Variants in DCLRE1B observed in about 807,000 individuals in gnomAD.
The protein encoded by DCLRE1B is 5' exonuclease Apollo.
A neutral mutation model predicts 19.8 loss-of-function variants in DCLRE1B; 6 were observed. That is an observed-to-expected ratio of 0.30 (90% CI 0.17 to 0.60). The LOEUF (loss-of-function observed/expected upper bound fraction) is 0.60, where lower values mean the gene tolerates loss of function less well. DCLRE1B is among the 20% of genes least tolerant of loss of function. The pLI, the probability that DCLRE1B is intolerant of heterozygous loss-of-function variation, is 0.87. For synonymous variants in DCLRE1B, 258 were observed against 255.7 expected (o/e 1.01, Z -0.09); for missense variants, 622 against 654.2 (o/e 0.95, Z 0.54).
Position 113,912,049 on chromosome 1 carries a change from G to A in DCLRE1B, c.1457G>A (p.Ser486Asn). 1.2e-6 allele frequency: 2 copies of A among 1,614,230 alleles called. No individual in the cohort carries two copies. Among genetic ancestry groups the A allele is most frequent in the East Asian group, 2.2e-5 (1 of 44,884 alleles). ...GGCCATGGTTCTCCCCTGTCCCACA[G>A]CAGCAAGGGCACCCCTCTTCTAGCT... ...WMGHGSPLSH[S>N]SKGTPLLATE... The change falls in exon 4 of 4, where the codon AGC becomes AAC. Residue 486 changes from serine to asparagine, a missense_variant. Physicochemically the swap from Ser to Asn is conservative, Grantham distance 46. This residue lies in a region of DCLRE1B where 382 missense variants were observed against 412.5 expected (regional missense o/e 0.93). Coordinates refer to ENST00000650450, the MANE Select transcript of DCLRE1B (RefSeq NM_022836.4).
At chr1:113,904,792 G>C (rs945036729), upstream of DCLRE1B, 1 of 1,261,108 alleles carries the variant, frequency 7.9e-7, no homozygotes, top group African/African-American at 1.5e-5. Context: ...TGATGTGGGA[G>C]CCTGAGTAAA....
chr1:113,905,921 A>G (rs1668912685), intron 1 of DCLRE1B, 146 bp downstream of exon 1: 2 of 923,300 alleles, frequency 2.2e-6, no homozygotes, highest in Non-Finnish European at 3.1e-6. Flanking sequence ...AACCCAGAAT[A>G]GGAACGTGTT....
In DCLRE1B at chr1:113,907,050, C is replaced by T. The variant is rs1311165585; in HGVS notation, c.244C>T (p.Leu82=). ...GGTTGGTGAGAGCCATGTATTACCC[C>T]TAGATGAAATTGGACAAGAGACCAT... The part of the protein sequence containing the change: ...LEVGESHVLP[L]DEIGQETMTV... The change falls in exon 2 of 4, where the codon CTA becomes TTA. Residue 82 remains leucine, a synonymous_variant. Transcript: ENST00000650450. The T allele has an allele frequency of 1.2e-6, 2 of 1,613,936 alleles. No individual in the cohort carries two copies. The highest frequency in any genetic ancestry group is 1.7e-6 in the Non-Finnish European group (2 of 1,179,994).
At chr1:113,907,220 T>C in intron 2 of DCLRE1B, 59 bp downstream of exon 2, 1 of 1,304,854 alleles carries the variant, frequency 7.7e-7, no homozygotes, top group Admixed American at 2.6e-5. Flanking sequence ...TTTTTTTTTT[T>C]TTTTTTTTTT....
chr1:113,907,426 T>C (rs1349778286), intron 2 of DCLRE1B, among the ~76,000 whole-genome samples: 1 of 151,820 alleles, frequency 6.6e-6, no homozygotes, highest in East Asian at 1.9e-4. Flanking sequence ...CTTCATCACA[T>C]ATGAGCATAG....
rs759079691 is a variant in DCLRE1B, at chr1:113,905,762, A to C, written c.176A>C (p.His59Pro). The part of the protein sequence containing the change: ...YCSPITAHLL[H>P]RHLQVSKQWI... ...TCCCCAATTACAGCCCACCTCTTGCATCGTCACCTACAGGTATGGGGCTGG... is the reference window on the plus strand; with the variant it reads ...TCCCCAATTACAGCCCACCTCTTGCCTCGTCACCTACAGGTATGGGGCTGG... Residue 59 changes from histidine (H) to proline (P), a missense_variant, in exon 1 of 4, where the codon CAT becomes CCT. His to Pro is a moderately conservative substitution (Grantham distance 77). This residue lies in a region of DCLRE1B where 237 missense variants were observed against 223.8 expected (regional missense o/e 1.06). Transcript: ENST00000650450. 18 of 1,613,316 alleles carry C rather than the reference A, an allele frequency of 1.1e-5. No homozygotes were observed. In the East Asian group the frequency reaches 3.3e-4, roughly 30 times the overall value.
Position 113,905,381 on chromosome 1 carries a change from C to G in DCLRE1B, c.-206C>G. 1 of 597,474 alleles carries G rather than the reference C, an allele frequency of 1.7e-6. No individual in the cohort carries two copies. The highest frequency in any genetic ancestry group is 3.3e-5 in the Admixed American group (1 of 29,968). 37.0% of individuals were successfully genotyped at this position (597,474 alleles called of 1,614,324 possible). ...CGCGCGGTTGGGAGTGTCCAGCGCCCTCCGCGATTTGGGCTCCAGCGGGCA... is the reference window on the plus strand; with the variant it reads ...CGCGCGGTTGGGAGTGTCCAGCGCCGTCCGCGATTTGGGCTCCAGCGGGCA... On this transcript the variant is annotated 5_prime_UTR_variant, in exon 1 of 4. Coordinates refer to ENST00000650450, the MANE Select transcript of DCLRE1B (RefSeq NM_022836.4).
Position 113,912,536 on chromosome 1 carries a change from T to C in DCLRE1B, c.*345T>C, listed in dbSNP as rs28381082. On this transcript the variant is annotated 3_prime_UTR_variant, in exon 4 of 4. Transcript: ENST00000650450. ...CTTTTGTGAACATGCAATCATCTTA[T>C]GTGGGTACAGAAAGAGGTAAAGAGT... The C allele has an allele frequency of 3.7e-5, 7 of 187,720 alleles. No individual in the cohort carries two copies. In the East Asian group the frequency reaches 6.9e-4, roughly 19 times the overall value. 11.6% of individuals were successfully genotyped at this position (187,720 alleles called of 1,614,324 possible). A position where few individuals can be genotyped will look rare whatever the true frequency, so the allele number is the denominator to read the frequency against.
Position 113,910,261 on chromosome 1 carries a change from T to C in DCLRE1B, c.539-870T>C, listed in dbSNP as rs895222759. Among the ~76,000 whole-genome samples, 4 of 152,342 alleles carry C rather than the reference T, an allele frequency of 2.6e-5. No homozygotes were observed. In the East Asian group the frequency reaches 7.7e-4, roughly 29 times the overall value. ...CAGTGGCTCCCCTTCACTTACACAA[T>C]GAAGTCCAAGCTTCTTAGCGGTACA... On this transcript the variant is annotated intron_variant, in intron 3 of 3. Coordinates refer to ENST00000650450, the MANE Select transcript of DCLRE1B (RefSeq NM_022836.4).
intron 3 of DCLRE1B, among the ~76,000 whole-genome samples, chr1:113,908,553 G>T (rs1669129959): frequency 6.6e-6 from 1 of 152,208 alleles, no homozygotes; most frequent in African/African-American, 2.4e-5. Flanking sequence ...CAAGGTTGCA[G>T]TGAGCCATGT....
intron 3 of DCLRE1B, 120 bp from the exon 4 acceptor site, chr1:113,911,011 C>A: frequency 1.1e-6 from 1 of 948,414 alleles, no homozygotes; most frequent in Non-Finnish European, 1.6e-6. Flanking sequence ...GATATTCTCC[C>A]TGGATTTCTC....
Position 113,905,404 on chromosome 1 carries a change from G to T in DCLRE1B, c.-183G>T. On this transcript the variant is annotated 5_prime_UTR_variant, in exon 1 of 4. Coordinates refer to ENST00000650450, the MANE Select transcript of DCLRE1B (RefSeq NM_022836.4). The stretch of plus-strand genomic sequence containing the variant: ...CCCTCCGCGATTTGGGCTCCAGCGG[G>T]CAGGGTGACTTCCTTTTTCTGCCCA... 1.6e-6 allele frequency: 1 copy of T among 638,808 alleles called. No individual in the cohort carries two copies. Among genetic ancestry groups the T allele is most frequent in the Non-Finnish European group, 2.6e-6 (1 of 383,328 alleles). The allele number at this position is 638,808 out of a possible 1,614,324, so 39.6% of individuals were successfully genotyped here.
chr1:113,904,950 G>T, upstream of DCLRE1B: 1 of 506,320 alleles, frequency 2.0e-6, no homozygotes, highest in Non-Finnish European at 3.6e-6. Flanking sequence ...ACCGTCGGCC[G>T]GCAGGCCGTT....
chr1:113,912,032 T>G lies in DCLRE1B; in HGVS notation c.1440T>G (p.Gly480=). ...TGNQSAWMGH[G]SPLSHSSKGT... ...ATCAGAGTGCCTGGATGGGCCATGG[T>G]TCTCCCCTGTCCCACAGCAGCAAGG... is the stretch of plus-strand genomic sequence containing the variant. The change falls in exon 4 of 4, where the codon GGT becomes GGG. Residue 480 remains glycine, a synonymous_variant. Coordinates refer to ENST00000650450, the MANE Select transcript of DCLRE1B (RefSeq NM_022836.4). The G allele has an allele frequency of 6.2e-7, 1 of 1,614,218 alleles. No individual in the cohort carries two copies. The highest frequency in any genetic ancestry group is 1.1e-5 in the South Asian group (1 of 91,084).
chr1:113,908,714 T>A (rs1311395034), intron 3 of DCLRE1B, among the ~76,000 whole-genome samples: 2 of 152,242 alleles, frequency 1.3e-5, no homozygotes, highest in African/African-American at 4.8e-5. Context: ...CATTTTTTTA[T>A]AGCACTCATA....
At position 113,905,539 on chromosome 1, in the gene DCLRE1B, C is replaced by G; in HGVS notation, c.-48C>G. ...CCGTTGTGGAAGCCTCACGCAGGAG[C>G]CCTGCCCCCGTGGAGAAGATCCCAC... is the stretch of plus-strand genomic sequence containing the variant. On this transcript the variant is annotated 5_prime_UTR_variant, in exon 1 of 4. Coordinates refer to ENST00000650450, the MANE Select transcript of DCLRE1B (RefSeq NM_022836.4). The G allele has an allele frequency of 6.3e-7, 1 of 1,591,330 alleles. No individual in the cohort carries two copies. The highest frequency in any genetic ancestry group is 8.6e-7 in the Non-Finnish European group (1 of 1,164,918).
In DCLRE1B at chr1:113,912,490, T is replaced by G. The variant is rs1669302058; in HGVS notation, c.*299T>G. 1 of 246,624 alleles carries G rather than the reference T, an allele frequency of 4.1e-6. No individual in the cohort carries two copies. The highest frequency in any genetic ancestry group is 7.7e-6 in the Non-Finnish European group (1 of 129,204). 15.3% of individuals were successfully genotyped at this position (246,624 alleles called of 1,614,324 possible). A position where few individuals can be genotyped will look rare whatever the true frequency, so the allele number is the denominator to read the frequency against. ...CAGTAACTTAATCTGTTTAACCTTG[T>G]TTAACCCAGTATTTCTCAAACTTTT... On this transcript the variant is annotated 3_prime_UTR_variant, in exon 4 of 4. Coordinates refer to ENST00000650450, the MANE Select transcript of DCLRE1B (RefSeq NM_022836.4).
upstream of DCLRE1B, chr1:113,904,750 T>C: frequency 1.3e-6 from 2 of 1,583,260 alleles, no homozygotes; most frequent in African/African-American, 2.7e-5. Context: ...CTCCCACAGC[T>C]CCCACGGTAA....
Position 113,908,180 on chromosome 1 carries a change from A to C in DCLRE1B, c.527A>C (p.Asn176Thr), listed in dbSNP as rs773254167. 1 of 1,613,332 alleles carries C rather than the reference A, an allele frequency of 6.2e-7. No homozygotes were observed. The highest frequency in any genetic ancestry group is 8.5e-7 in the Non-Finnish European group (1 of 1,179,686). Residue 176 changes from asparagine to threonine, a missense_variant, in exon 3 of 4, where the codon AAC becomes ACC. Asn to Thr is a moderately conservative substitution (Grantham distance 65). Around this residue, in one of 3 missense-constraint regions of DCLRE1B, gnomAD observed 237 missense variants for 223.8 expected, o/e 1.06. Transcript: ENST00000650450. ...VQLIRKHPQH[N>T]IKIGLYSLGK... The stretch of plus-strand genomic sequence containing the variant: ...CTCATTCGAAAACACCCACAACATA[A>C]CATAAAGATTGGTGAGTTGTTTCCT...
Sources: allele counts gnomAD v4.1 joint callset (sites outside exome capture counted in the v4.1 genomes callset), GRCh38; gene constraint gnomAD v4.1.1; regional missense constraint gnomAD v4.1.1; transcripts MANE v1.5; gene names NCBI Gene and HGNC (gene_info 2026-07-23, HGNC 2026-07-21).